GBP7: variants seen among roughly 807,000 people sequenced by gnomAD.
GBP7 encodes guanylate binding protein 7.
A neutral mutation model predicts 61.3 loss-of-function variants in GBP7; 43 were observed. The ratio of observed to expected loss-of-function variants is 0.70; its 90% confidence interval spans 0.55 to 0.91. The LOEUF (loss-of-function observed/expected upper bound fraction) is 0.91. GBP7 is among the 40% of genes least tolerant of loss of function. The pLI is 0.00. For missense variants in GBP7, 717 were observed against 740.5 expected, an observed-to-expected ratio of 0.97 and a Z score of 0.37; for synonymous variants, 267 against 271.0, an observed-to-expected ratio of 0.99 and a Z score of 0.14.
intron 7 of GBP7, 85 bp downstream of exon 7, chr1:89,149,207 G>T: frequency 8.5e-7 from 1 of 1,170,858 alleles, no homozygotes; most frequent in Non-Finnish European, 1.2e-6. Flanking sequence ...ACAAGAAGGA[G>T]ATGAACCATG....
chr1:89,152,591 C>A, intron 4 of GBP7, 77 bp downstream of exon 4: 1 of 1,518,304 alleles, frequency 6.6e-7, no homozygotes, highest in Non-Finnish European at 9.1e-7. Flanking sequence ...AACTGAGTCA[C>A]AACAAAGAAG....
Position 89,150,490 on chromosome 1 carries a change from G to C in GBP7, c.711C>G (p.Asp237Glu). ...AGAGTTTTTTGTCATTTATTGGCCG[G>C]TCAAAGACAAAGCACTTCTGTTTTG... is the stretch of plus-strand genomic sequence containing the variant. ...FFPKQKCFVFDRPINDKKLLL... is the reference protein window; with the variant it reads ...FFPKQKCFVFERPINDKKLLL... Residue 237 changes from aspartate (D) to glutamate (E), a missense_variant, in exon 6 of 11, where the codon GAC becomes GAG. Coordinates refer to ENST00000294671, the MANE Select transcript of GBP7 (RefSeq NM_207398.3). The C allele has an allele frequency of 6.2e-7, 1 of 1,613,978 alleles. No individual in the cohort carries two copies. The highest frequency in any genetic ancestry group is 8.5e-7 in the Non-Finnish European group (1 of 1,179,892).
At chr1:89,173,212 T>A (rs557949211) in intron 1 of GBP7, among the ~76,000 whole-genome samples, 1 of 152,358 alleles carries the variant, frequency 6.6e-6, no homozygotes, top group Admixed American at 6.5e-5. Context: ...ATAATGGTAC[T>A]TTGACACCAA....
intron 3 of GBP7, among the ~76,000 whole-genome samples, chr1:89,157,624 G>C (rs1436679256): frequency 6.6e-6 from 1 of 151,928 alleles, no homozygotes; most frequent in East Asian, 1.9e-4. Context: ...ATAAATTCCT[G>C]GACATACACA....
chr1:89,134,500 AGAG>A (rs1197644699), intron 9 of GBP7, among the ~76,000 whole-genome samples: 8 of 151,984 alleles, frequency 5.3e-5, no homozygotes. Flanking sequence ...TGCTTAACCT[AGAG>A]GGGCCAGAGA....
At chr1:89,145,973 A>G (rs935575257) in intron 8 of GBP7, among the ~76,000 whole-genome samples, 5 of 152,206 alleles carry the variant, frequency 3.3e-5, no homozygotes, top group African/African-American at 1.2e-4. Flanking sequence ...AAAACCAATT[A>G]TAAAATTCAT....
At chr1:89,147,001 A>G (rs1682083461) in intron 8 of GBP7, among the ~76,000 whole-genome samples, 1 of 152,206 alleles carries the variant, frequency 6.6e-6, no homozygotes, top group Non-Finnish European at 1.5e-5. Context: ...TAGCCTCTCC[A>G]TGCATTCACA....
At chr1:89,151,405 T>A (rs1050026801) in intron 5 of GBP7, among the ~76,000 whole-genome samples, 24 of 152,200 alleles carry the variant, frequency 1.6e-4, no homozygotes, top group African/African-American at 5.8e-4. Flanking sequence ...AAAATTTAAA[T>A]GCTAGAAACA....
chr1:89,166,455 A>G (rs1045330904), intron 2 of GBP7, among the ~76,000 whole-genome samples: 38 of 152,336 alleles, frequency 2.5e-4, no homozygotes, highest in African/African-American at 8.7e-4. Flanking sequence ...GTAAGACCAG[A>G]TTTGTTAGTA....
At chr1:89,139,712 C>G (rs1372007304) in intron 9 of GBP7, among the ~76,000 whole-genome samples, 2 of 152,184 alleles carry the variant, frequency 1.3e-5, no homozygotes, top group Non-Finnish European at 2.9e-5. Flanking sequence ...CACTGGCCAT[C>G]AGAGAAATGC....
At chr1:89,152,999 C>T (rs1292282012) in intron 3 of GBP7, among the ~76,000 whole-genome samples, 1 of 152,110 alleles carries the variant, frequency 6.6e-6, no homozygotes, top group Non-Finnish European at 1.5e-5. Flanking sequence ...TCTATTTGCC[C>T]TAAAAATATT....
chr1:89,138,026 C>T lies in GBP7; in HGVS notation c.1468+3520G>A, dbSNP rs974608186. 3.9e-5 allele frequency among the ~76,000 whole-genome samples: 6 copies of T among 152,000 alleles called. No individual in the cohort carries two copies. The South Asian group carries it at 8.3e-4, about 21-fold the overall frequency. Reference sequence around the variant, plus strand: ...ATAATGTCCAAGCTGAAAGTCAAACCGAGAACACAATCCTATTCACAATAG... The same window carrying T: ...ATAATGTCCAAGCTGAAAGTCAAACTGAGAACACAATCCTATTCACAATAG... On this transcript the variant is annotated intron_variant, in intron 9 of 10. Coordinates refer to ENST00000294671, the MANE Select transcript of GBP7 (RefSeq NM_207398.3).
intron 6 of GBP7, 103 bp downstream of exon 6, chr1:89,150,227 A>C (rs1336043334): frequency 9.4e-7 from 1 of 1,067,740 alleles, no homozygotes; most frequent in Non-Finnish European, 1.4e-6. Context: ...CTCATAACAC[A>C]GATGTTATCT....
At chr1:89,142,780 C>T (rs1178199355) in intron 8 of GBP7, among the ~76,000 whole-genome samples, 1 of 13,184 alleles carries the variant, frequency 7.6e-5, no homozygotes. Context: ...TTTCCTTGTT[C>T]CCTTCTTTCA....
intron 3 of GBP7, among the ~76,000 whole-genome samples, chr1:89,155,274 T>G (rs1415211812): frequency 2.0e-5 from 3 of 152,102 alleles, no homozygotes; most frequent in African/African-American, 4.8e-5. Flanking sequence ...AGCTGAAAAT[T>G]CTAAAAATCA....
Position 89,150,368 on chromosome 1 carries a change from G to T in GBP7, c.833C>A (p.Thr278Asn), listed in dbSNP as rs1325785480. The T allele has an allele frequency of 1.9e-6, 3 of 1,613,834 alleles. No individual in the cohort carries two copies. Among genetic ancestry groups the T allele is most frequent in the Non-Finnish European group, 2.5e-6 (3 of 1,179,878 alleles). The change falls in exon 6 of 11, where the codon ACC becomes AAC. Residue 278 changes from threonine (T) to asparagine (N), a missense_variant. Coordinates refer to ENST00000294671, the MANE Select transcript of GBP7 (RefSeq NM_207398.3). ...AAGGATTCCCTCTCTCAGGGTCTTGGTCTTTGCATGGGTGAAGATATAAGA... is the reference window on the plus strand; with the variant it reads ...AAGGATTCCCTCTCTCAGGGTCTTGTTCTTTGCATGGGTGAAGATATAAGA... ...FCSYIFTHAKTKTLREGILVT... is the reference protein window; with the variant it reads ...FCSYIFTHAKNKTLREGILVT...
Position 89,132,899 on chromosome 1 carries a change from C to T in GBP7, c.1662+359G>A, listed in dbSNP as rs1164655470. The stretch of plus-strand genomic sequence containing the variant: ...ATTTCATATCAAGCCAAATCTGATA[C>T]TTTCATCCAGATGGATGTATTTTGG... On this transcript the variant is annotated intron_variant, in intron 10 of 10. Transcript: ENST00000294671. Among the ~76,000 whole-genome samples, 2 of 152,210 alleles carry T rather than the reference C, an allele frequency of 1.3e-5. 1 individual carries two copies. The highest frequency in any genetic ancestry group is 4.1e-4 in the South Asian group (2 of 4,834).
intron 7 of GBP7, 25 bp from the exon 8 acceptor site, chr1:89,147,804 C>G (rs1682103582): frequency 2.5e-6 from 4 of 1,610,948 alleles, no homozygotes; most frequent in Non-Finnish European, 2.5e-6. Flanking sequence ...TAGGGAAAAA[C>G]AGTAGAAAGA....
intron 9 of GBP7, among the ~76,000 whole-genome samples, chr1:89,136,545 C>A (rs1044844089): frequency 6.6e-6 from 1 of 152,064 alleles, no homozygotes; most frequent in African/African-American, 2.4e-5. Flanking sequence ...ATTAATTAAT[C>A]TGCTTCTGAA....
Sources: gnomAD v4.1 joint callset for allele counts (sites outside exome capture counted in the v4.1 genomes callset) on GRCh38, gnomAD v4.1.1 for gene constraint, MANE v1.5 for transcripts, NCBI Gene and HGNC (gene_info 2026-07-23, HGNC 2026-07-21) for gene names.